The following MYO7A variants were observed in gnomAD, a reference collection of about 807,000 sequenced individuals.
The protein encoded by MYO7A is unconventional myosin-VIIa.
A neutral mutation model predicts 263.8 loss-of-function variants in MYO7A; 210 were observed. That is an observed-to-expected ratio of 0.80 (90% CI 0.71 to 0.89). The LOEUF (loss-of-function observed/expected upper bound fraction) is 0.89, where lower values mean the gene tolerates loss of function less well. Ranked by LOEUF, MYO7A falls within the 40% of genes least tolerant of loss-of-function variation. The pLI is 0.00. For missense variants in MYO7A, 2,820 were observed against 2,968.3 expected, an observed-to-expected ratio of 0.95 and a Z score of 1.16; for synonymous variants, 1,239 against 1,197.3, an observed-to-expected ratio of 1.03 and a Z score of -0.72.
At chr11:77,172,034 C>G (rs1555076331) in intron 15 of MYO7A, among the ~76,000 whole-genome samples, 3 of 152,222 alleles carry the variant, frequency 2.0e-5, no homozygotes, top group Non-Finnish European at 1.5e-5. Flanking sequence ...GAGGATTAGC[C>G]AGGCCTGCCC....
intron 2 of MYO7A, among the ~76,000 whole-genome samples, chr11:77,136,692 C>T (rs112798572): frequency 1.1e-4 from 17 of 152,338 alleles, no homozygotes; most frequent in East Asian, 1.9e-4. Flanking sequence ...TAAATCCTCA[C>T]GAGCACGTGG....
At chr11:77,193,073 GAGGTAGTTGTTTGTGATGGT>G (rs1490665740) in intron 31 of MYO7A, among the ~76,000 whole-genome samples, 1,841 of 65,086 alleles carry the variant, frequency 0.028, 266 homozygotes, top group African/African-American at 0.064. Context: ...GGTGATGGTG[GAGGTAGTTGTTTGTGATGGT>G]GGAGGTAGTG....
chr11:77,200,555 G>C (rs757941981), intron 35 of MYO7A, among the ~76,000 whole-genome samples: 13 of 152,216 alleles, frequency 8.5e-5, no homozygotes, highest in Non-Finnish European at 1.5e-4. Context: ...AACACTGGGA[G>C]ATCAAGTTTC....
Position 77,128,382 on chromosome 11 carries a change from G to C in MYO7A, c.-154G>C, listed in dbSNP as rs545774605. 6.6e-6 allele frequency: 1 copy of C among 152,480 alleles called. No homozygotes were observed. Among genetic ancestry groups the C allele is most frequent in the Non-Finnish European group, 1.5e-5 (1 of 68,218 alleles). The allele number at this position is 152,480 out of a possible 1,614,324, so 9.4% of individuals were successfully genotyped here. ...GGAGCCAGACAGAGGAAGAGGGGAC[G>C]TGTGTTTGCAGACTGGCTGGGCCCG... On this transcript the variant is annotated 5_prime_UTR_variant, in exon 1 of 49. Transcript: ENST00000409709.
intron 15 of MYO7A, among the ~76,000 whole-genome samples, chr11:77,170,213 G>A (rs142192535): frequency 7.4e-4 from 112 of 152,234 alleles, no homozygotes; most frequent in African/African-American, 2.6e-3. Flanking sequence ...TGGTGGGTGC[G>A]GTCAGGAAAG....
chr11:77,158,496 C>A, intron 9 of MYO7A, 66 bp downstream of exon 9: 3 of 1,537,116 alleles, frequency 2.0e-6, no homozygotes, highest in South Asian at 1.2e-5. Context: ...CCTTGCTGCC[C>A]ACGTGGTATT....
rs1957063555 is a variant in MYO7A, at chr11:77,201,535, G to C, written c.4940G>C (p.Gly1647Ala). Reference protein sequence around the residue: ...HDTGEQVMNSGWANGINERTK... With the variant: ...HDTGEQVMNSAWANGINERTK... ...ACGGGCGAGCAGGTCATGAACTCGG[G>C]CTGGGCCAACGGCATCAATGAGAGG... Residue 1647 changes from glycine (G) to alanine (A), a missense_variant, in exon 36 of 49, where the codon GGC becomes GCC. By Grantham distance (60) the Gly-to-Ala change is moderately conservative (BLOSUM62 0). Transcript: ENST00000409709. The C allele has an allele frequency of 3.1e-6, 5 of 1,613,934 alleles. No individual in the cohort carries two copies. The highest frequency in any genetic ancestry group is 1.3e-5 in the African/African-American group (1 of 75,032).
At chr11:77,132,427 G>T (rs782442628) in intron 2 of MYO7A, among the ~76,000 whole-genome samples, 25 of 152,054 alleles carry the variant, frequency 1.6e-4, no homozygotes, top group Non-Finnish European at 3.2e-4. Context: ...GTCCCAAATG[G>T]CATTTTAGCT....
intron 18 of MYO7A, among the ~76,000 whole-genome samples, chr11:77,175,933 C>G (rs556729033): frequency 6.6e-6 from 1 of 152,338 alleles, no homozygotes; most frequent in African/African-American, 2.4e-5. Flanking sequence ...GAGCTCAGCT[C>G]CCATTGCTGC....
intron 27 of MYO7A, 156 bp downstream of exon 27, chr11:77,184,871 T>C (rs1555087543): frequency 7.9e-7 from 1 of 1,262,560 alleles, no homozygotes; most frequent in South Asian, 1.3e-5. Flanking sequence ...AGTTATTTCA[T>C]CTTTCTAAGC....
chr11:77,133,829 G>A (rs182523246), intron 2 of MYO7A, among the ~76,000 whole-genome samples: 8 of 151,004 alleles, frequency 5.3e-5, no homozygotes, highest in Admixed American at 5.3e-4. Context: ...CTGCTCTTTT[G>A]TGTTTAATTG....
At chr11:77,202,909 G>T in intron 37 of MYO7A, 151 bp from the exon 38 acceptor site, 1 of 1,026,700 alleles carries the variant, frequency 9.7e-7, no homozygotes, top group Non-Finnish European at 1.4e-6. Context: ...CTCGCCTCGG[G>T]TCACATGCAG....
intron 18 of MYO7A, among the ~76,000 whole-genome samples, chr11:77,177,125 C>A (rs2076970): frequency 0.02 from 3,020 of 152,070 alleles, 96 homozygotes; most frequent in African/African-American, 0.069. Context: ...AGAGAGGGAG[C>A]CAGGAGGCCG....
chr11:77,148,599 C>G (rs959381841), intron 4 of MYO7A, among the ~76,000 whole-genome samples: 1 of 152,184 alleles, frequency 6.6e-6, no homozygotes, highest in African/African-American at 2.4e-5. Flanking sequence ...GAGGTTCTCA[C>G]ACTTTTTGGT....
chr11:77,205,031 T>C (rs995021908), intron 39 of MYO7A, among the ~76,000 whole-genome samples: 2 of 152,208 alleles, frequency 1.3e-5, no homozygotes, highest in African/African-American at 4.8e-5. Flanking sequence ...GGGGTGGGAC[T>C]GGTCTAACTC....
chr11:77,144,850 C>A (rs1349716209), intron 3 of MYO7A, among the ~76,000 whole-genome samples: 1 of 152,192 alleles, frequency 6.6e-6, no homozygotes, highest in South Asian at 2.1e-4. Flanking sequence ...CCAGATACAC[C>A]CCTCCTTCCC....
At chr11:77,206,498 C>G (rs1957454828) in intron 41 of MYO7A, among the ~76,000 whole-genome samples, 1 of 152,042 alleles carries the variant, frequency 6.6e-6, no homozygotes, top group South Asian at 2.1e-4. Flanking sequence ...TCTGAGCTGG[C>G]TTTGCACTGG....
In MYO7A at chr11:77,172,871, T is replaced by C; in HGVS notation, c.1921T>C (p.Phe641Leu). 1 of 1,551,256 alleles carries C rather than the reference T, an allele frequency of 6.4e-7. No homozygotes were observed. Among genetic ancestry groups the C allele is most frequent in the Non-Finnish European group, 8.7e-7 (1 of 1,146,660 alleles). ...FFVRCIKPNE[F>L]KKPMLFDRHL... ...TGTGCGATGCATCAAGCCCAATGAG[T>C]TCAAGAAGCCCATGGTGAGTGGCCC... The change falls in exon 16 of 49, where the codon TTC becomes CTC. Residue 641 changes from phenylalanine to leucine, a missense_variant. Coordinates refer to ENST00000409709, the MANE Select transcript of MYO7A (RefSeq NM_000260.4).
At chr11:77,182,623 A>G (rs1555085629) in intron 25 of MYO7A, 23 bp downstream of exon 25, 1 of 1,611,972 alleles carries the variant, frequency 6.2e-7, no homozygotes, top group Non-Finnish European at 8.5e-7. Context: ...TGCCCTCTGG[A>G]TGATGTCCCT....
Sources: gnomAD v4.1 joint callset for allele counts (sites outside exome capture counted in the v4.1 genomes callset) on GRCh38, gnomAD v4.1.1 for gene constraint, MANE v1.5 for transcripts, NCBI Gene and HGNC (gene_info 2026-07-23, HGNC 2026-07-21) for gene names.